CUL5: variants seen among roughly 807,000 people sequenced by gnomAD.
CUL5 encodes the protein cullin 5, also known as cullin-5.
CUL5 carries 26 observed loss-of-function variants against 108.8 expected under a neutral mutation model. The ratio of observed to expected loss-of-function variants is 0.24; its 90% CI spans 0.18 to 0.33. The LOEUF (loss-of-function observed/expected upper bound fraction) is 0.33. Among genes scored for constraint, CUL5 ranks in the 10% least tolerant of loss-of-function variants. The pLI is 1.00. For synonymous variants in CUL5, 334 were observed against 298.0 expected (o/e 1.12, Z -1.25); for missense variants, 524 against 909.2 (o/e 0.58, Z 5.45).
intron 7 of CUL5, among the ~76,000 whole-genome samples, chr11:108,063,592 A>T (rs1015717162): frequency 6.7e-6 from 1 of 148,764 alleles, no homozygotes. Flanking sequence ...TTAATTTTAT[A>T]ATAATAATAA....
chr11:108,048,735 C>T (rs1346495059), intron 3 of CUL5, among the ~76,000 whole-genome samples: 14 of 145,272 alleles, frequency 9.6e-5, no homozygotes, highest in South Asian at 4.3e-4. Flanking sequence ...AGCGCGATCT[C>T]GGCTCACTAC....
At chr11:108,029,816 T>G (rs892450641) in intron 1 of CUL5, among the ~76,000 whole-genome samples, 2 of 152,310 alleles carry the variant, frequency 1.3e-5, no homozygotes, top group Admixed American at 1.3e-4. Flanking sequence ...ATTAGGAGAT[T>G]TCAGAGCCTA....
rs558248415 is a variant in CUL5 at position 108,015,385 on chromosome 11, T to C, written c.24+6013T>C. ...TATGGATGTGATACGAAGATTTGAATATCATCGGTGAATGTGGTTAAGGTG... is the reference window on the plus strand; with the variant it reads ...TATGGATGTGATACGAAGATTTGAACATCATCGGTGAATGTGGTTAAGGTG... On this transcript the variant is annotated intron_variant, in intron 1 of 18. Coordinates refer to ENST00000393094, the MANE Select transcript of CUL5 (RefSeq NM_003478.6). Among the ~76,000 whole-genome samples, 10 of 152,366 alleles carry C rather than the reference T, an allele frequency of 6.6e-5. No individual in the cohort carries two copies. The South Asian group carries it at 2.1e-3, about 32-fold the overall frequency.
chr11:108,055,961 TAGAG>T (rs1177381824), intron 7 of CUL5, among the ~76,000 whole-genome samples: 1 of 152,172 alleles, frequency 6.6e-6, no homozygotes, highest in Non-Finnish European at 1.5e-5. Flanking sequence ...TTATTTTTCA[TAGAG>T]AGCAGGTCTT....
chr11:108,031,744 C>T (rs759882560), intron 1 of CUL5, among the ~76,000 whole-genome samples: 3 of 152,144 alleles, frequency 2.0e-5, no homozygotes, highest in Non-Finnish European at 2.9e-5. Flanking sequence ...GCACTGTTCA[C>T]TCTAACAAAG....
rs941439838 is a variant in CUL5 at position 108,105,236 on chromosome 11, G to A, written c.*852G>A. ...AGTGTGTTTACTAAACATATTGTGTGTTTACTAACACACTTAATGTTTATA... is the reference window on the plus strand; with the variant it reads ...AGTGTGTTTACTAAACATATTGTGTATTTACTAACACACTTAATGTTTATA... On this transcript the variant is annotated 3_prime_UTR_variant, in exon 19 of 19. Transcript: ENST00000393094. 6.6e-6 allele frequency: 1 copy of A among 151,952 alleles called. No individual in the cohort carries two copies. The highest frequency in any genetic ancestry group is 2.4e-5 in the African/African-American group (1 of 41,376). The allele number at this position is 151,952 out of a possible 1,614,324, so 9.4% of individuals were successfully genotyped here.
intron 11 of CUL5, among the ~76,000 whole-genome samples, chr11:108,081,572 G>A (rs1864084926): frequency 6.6e-6 from 1 of 151,862 alleles, no homozygotes; most frequent in Non-Finnish European, 1.5e-5. Context: ...CTAACATGGT[G>A]AAACCCTGTC....
At chr11:108,088,169 A>G (rs1864267683) in intron 11 of CUL5, among the ~76,000 whole-genome samples, 2 of 152,192 alleles carry the variant, frequency 1.3e-5, no homozygotes, top group South Asian at 2.1e-4. Flanking sequence ...TTAAATGTTA[A>G]CATAAATATC....
chr11:108,053,129 A>G (rs947277375), intron 5 of CUL5, among the ~76,000 whole-genome samples: 3 of 152,190 alleles, frequency 2.0e-5, no homozygotes, highest in Non-Finnish European at 4.4e-5. Context: ...TCAGGAAGTA[A>G]GTTACTTCCA....
intron 2 of CUL5, among the ~76,000 whole-genome samples, chr11:108,034,371 C>T (rs1452860534): frequency 6.6e-6 from 1 of 152,092 alleles, no homozygotes; most frequent in Non-Finnish European, 1.5e-5. Context: ...TCAACATGTA[C>T]CAAAATCAGT....
intron 1 of CUL5, among the ~76,000 whole-genome samples, chr11:108,013,651 T>G (rs905461333): frequency 8.5e-5 from 13 of 152,208 alleles, no homozygotes; most frequent in African/African-American, 3.1e-4. Flanking sequence ...AAGGCAGTAG[T>G]ATATAACCGA....
intron 7 of CUL5, among the ~76,000 whole-genome samples, chr11:108,056,845 C>T (rs1396208775): frequency 6.6e-6 from 1 of 152,138 alleles, no homozygotes; most frequent in Non-Finnish European, 1.5e-5. Context: ...CATTGTATCA[C>T]ATGGATGGGG....
chr11:108,011,468 TAA>T (rs914831491), intron 1 of CUL5, among the ~76,000 whole-genome samples: 25 of 152,284 alleles, frequency 1.6e-4, no homozygotes, highest in African/African-American at 5.5e-4. Context: ...CACAAGAATT[TAA>T]AAAGTGTTTT....
chr11:108,095,825 G>T, intron 16 of CUL5, 134 bp downstream of exon 16: 1 of 792,524 alleles, frequency 1.3e-6, no homozygotes, highest in Non-Finnish European at 1.9e-6. Flanking sequence ...GCCGGGCACA[G>T]TGGATCACGC....
At chr11:108,030,508 A>G (rs1210808811) in intron 1 of CUL5, among the ~76,000 whole-genome samples, 1 of 152,152 alleles carries the variant, frequency 6.6e-6, no homozygotes, top group Non-Finnish European at 1.5e-5. Context: ...TTGGTGGCGC[A>G]TGCCTTTAAT....
At chr11:108,010,918 A>G (rs893875020) in intron 1 of CUL5, among the ~76,000 whole-genome samples, 6 of 152,196 alleles carry the variant, frequency 3.9e-5, no homozygotes, top group African/African-American at 1.2e-4. Context: ...GTGTTCCTAC[A>G]ATATAGGTGC....
rs913096024 is a variant in CUL5 at position 108,107,672 on chromosome 11, T to C, written c.*3288T>C. 6 of 152,794 alleles carry C rather than the reference T, an allele frequency of 3.9e-5. No homozygotes were observed. Among genetic ancestry groups the C allele is most frequent in the Middle Eastern group, 3.4e-3 (1 of 294 alleles). 9.5% of individuals were successfully genotyped at this position (152,794 alleles called of 1,614,324 possible). A position where few individuals can be genotyped will look rare whatever the true frequency, so the allele number is the denominator to read the frequency against. ...GTAGCAGTTTCTGTATGCAGTAGGC[T>C]GAAATATTTTGATGAACTGCTTAAT... On this transcript the variant is annotated 3_prime_UTR_variant, in exon 19 of 19. Transcript: ENST00000393094.
chr11:108,017,590 C>CTT (rs1862232406), intron 1 of CUL5, among the ~76,000 whole-genome samples: 1 of 151,722 alleles, frequency 6.6e-6, no homozygotes, highest in Non-Finnish European at 1.5e-5. Flanking sequence ...AGGCTCACGC[C>CTT]TGTAATTGCA....
intron 1 of CUL5, among the ~76,000 whole-genome samples, chr11:108,027,660 C>T (rs780681876): frequency 2.2e-4 from 34 of 152,282 alleles, no homozygotes; most frequent in Middle Eastern, 6.8e-3. Context: ...CCGCCCGCCT[C>T]AGCCTCCCAG....
Sources: gnomAD v4.1 joint callset for allele counts (sites outside exome capture counted in the v4.1 genomes callset) on GRCh38, gnomAD v4.1.1 for gene constraint, MANE v1.5 for transcripts, NCBI Gene and HGNC (gene_info 2026-07-23, HGNC 2026-07-21) for gene names.